The following PHYHIPL variants were observed in gnomAD, a reference collection of about 807,000 sequenced individuals.
The protein encoded by PHYHIPL is phytanoyl-CoA hydroxylase-interacting protein-like.
PHYHIPL carries 9 observed loss-of-function variants against 33.4 expected under a neutral mutation model. The observed-to-expected ratio is 0.27, with a 90% confidence interval of 0.16 to 0.47. The LOEUF (loss-of-function observed/expected upper bound fraction) is 0.47. PHYHIPL is among the 20% of genes least tolerant of loss of function. PHYHIPL has a pLI of 0.99. For missense variants in PHYHIPL, 365 were observed against 460.7 expected, an observed-to-expected ratio of 0.79 and a Z score of 1.90; for synonymous variants, 153 against 154.1, an observed-to-expected ratio of 0.99 and a Z score of 0.05.
chr10:59,225,334 G>GATCTGTGC (rs1447745732), intron 1 of PHYHIPL, among the ~76,000 whole-genome samples: 2 of 151,398 alleles, frequency 1.3e-5, no homozygotes, highest in Non-Finnish European at 2.9e-5. Context: ...GCTCTTGGAA[G>GATCTGTGC]ATCTGTGCTG....
intron 1 of PHYHIPL, among the ~76,000 whole-genome samples, chr10:59,208,697 G>A (rs1426869787): frequency 3.3e-5 from 5 of 151,990 alleles, no homozygotes; most frequent in Admixed American, 3.3e-4. Context: ...TAGAGGAATT[G>A]CTAACTAGAA....
At chr10:59,226,372 G>T (rs1839923195) in intron 1 of PHYHIPL, among the ~76,000 whole-genome samples, 5 of 152,118 alleles carry the variant, frequency 3.3e-5, no homozygotes, top group Admixed American at 3.3e-4. Flanking sequence ...GAACCAAACT[G>T]AATAATCAAG....
At chr10:59,224,089 A>G (rs1839853794) in intron 1 of PHYHIPL, among the ~76,000 whole-genome samples, 1 of 152,174 alleles carries the variant, frequency 6.6e-6, no homozygotes, top group Non-Finnish European at 1.5e-5. Context: ...TTCCGTTACT[A>G]TATATCATGC....
intron 3 of PHYHIPL, among the ~76,000 whole-genome samples, chr10:59,237,786 A>G (rs1589297279): frequency 2.0e-5 from 3 of 152,052 alleles, no homozygotes. Flanking sequence ...GCTAATACTT[A>G]CCATAATAAA....
intron 1 of PHYHIPL, among the ~76,000 whole-genome samples, chr10:59,223,433 C>T (rs1035214900): frequency 1.3e-5 from 2 of 152,058 alleles, no homozygotes; most frequent in Non-Finnish European, 2.9e-5. Context: ...TTCCATTATA[C>T]CTCAGTCCCA....
At chr10:59,228,963 T>A (rs1840002574) in intron 1 of PHYHIPL, among the ~76,000 whole-genome samples, 1 of 152,152 alleles carries the variant, frequency 6.6e-6, no homozygotes, top group Admixed American at 6.5e-5. Context: ...CTGGTGGGAC[T>A]AAGGAGCAAT....
At chr10:59,224,849 A>G (rs1839884737) in intron 1 of PHYHIPL, among the ~76,000 whole-genome samples, 4 of 152,236 alleles carry the variant, frequency 2.6e-5, no homozygotes, top group African/African-American at 9.6e-5. Context: ...AGATTGAGAA[A>G]TATTGACTAG....
chr10:59,197,934 GT>G (rs1483971689), intron 1 of PHYHIPL, among the ~76,000 whole-genome samples: 9 of 152,280 alleles, frequency 5.9e-5, no homozygotes, highest in African/African-American at 1.9e-4. Flanking sequence ...ACTCAGGGTT[GT>G]GCTTGAGGCT....
At chr10:59,173,921 G>GTTTTCTTTTTTTTTT (rs1838206610), upstream of PHYHIPL, among the ~76,000 whole-genome samples, 1 of 57,528 alleles carries the variant, frequency 1.7e-5, no homozygotes, top group African/African-American at 5.7e-5. Context: ...TACTTCTGAG[G>GTTTTCTTTTTTTTTT]TTTTTTTTTT....
intron 1 of PHYHIPL, among the ~76,000 whole-genome samples, chr10:59,217,539 G>C (rs557308489): frequency 6.6e-6 from 1 of 151,550 alleles, no homozygotes; most frequent in African/African-American, 2.4e-5. Context: ...TGTTTTAGCT[G>C]CTTCTCTGTA....
chr10:59,212,199 T>C (rs1320617682), intron 1 of PHYHIPL, among the ~76,000 whole-genome samples: 1 of 152,212 alleles, frequency 6.6e-6, no homozygotes, highest in African/African-American at 2.4e-5. Context: ...CATGAGATGC[T>C]GTCCTCAACC....
At chr10:59,242,819 T>A (rs1840450401) in intron 4 of PHYHIPL, among the ~76,000 whole-genome samples, 1 of 151,982 alleles carries the variant, frequency 6.6e-6, no homozygotes, top group Non-Finnish European at 1.5e-5. Flanking sequence ...GAGAAAAAAA[T>A]CAGTAAACTT....
At position 59,201,177 on chromosome 10, in the gene PHYHIPL, T is replaced by C. The variant is rs1215895196; in HGVS notation, c.106+24218T>C. 3.9e-5 allele frequency among the ~76,000 whole-genome samples: 6 copies of C among 152,250 alleles called. No individual in the cohort carries two copies. The South Asian group carries it at 1.0e-3, about 26-fold the overall frequency. On this transcript the variant is annotated intron_variant, in intron 1 of 4. Coordinates refer to ENST00000373880, the MANE Select transcript of PHYHIPL (RefSeq NM_032439.4). ...GATGTCAATTTTAGATCTTTCCTGCTTTCTCTTGTGGGCATTTAGTGCTAT... is the reference window on the plus strand; with the variant it reads ...GATGTCAATTTTAGATCTTTCCTGCCTTCTCTTGTGGGCATTTAGTGCTAT...
At chr10:59,201,372 G>A (rs1365932627) in intron 1 of PHYHIPL, among the ~76,000 whole-genome samples, 1 of 152,202 alleles carries the variant, frequency 6.6e-6, no homozygotes, top group East Asian at 1.9e-4. Flanking sequence ...GTGGTTTTGA[G>A]TGAGTTTCTT....
chr10:59,186,941 T>G (rs1838624584), intron 1 of PHYHIPL, among the ~76,000 whole-genome samples: 1 of 152,204 alleles, frequency 6.6e-6, no homozygotes, highest in Non-Finnish European at 1.5e-5. Context: ...TTTTCCTAAT[T>G]GAATGCAGTT....
chr10:59,176,389 C>T (rs1294547776), upstream of PHYHIPL, among the ~76,000 whole-genome samples: 1 of 152,090 alleles, frequency 6.6e-6, no homozygotes, highest in Non-Finnish European at 1.5e-5. Flanking sequence ...CGGCGTATAG[C>T]GCTCGCCCTT....
intron 1 of PHYHIPL, among the ~76,000 whole-genome samples, chr10:59,213,626 C>A (rs1352717454): frequency 6.6e-6 from 1 of 152,070 alleles, no homozygotes; most frequent in Non-Finnish European, 1.5e-5. Context: ...AACATGAGCT[C>A]CAGCCACAGA....
chr10:59,194,078 ATG>A (rs935657373), intron 1 of PHYHIPL, among the ~76,000 whole-genome samples: 16 of 126,564 alleles, frequency 1.3e-4, no homozygotes, highest in African/African-American at 4.6e-4. Context: ...CTTTACCTAT[ATG>A]TTTTTTTTTT....
intron 1 of PHYHIPL, among the ~76,000 whole-genome samples, chr10:59,210,311 A>G (rs1028175701): frequency 2.6e-5 from 4 of 152,278 alleles, no homozygotes; most frequent in Non-Finnish European, 5.9e-5. Context: ...TGCAGCCAAC[A>G]AACAGATGAA....
Sources: allele counts gnomAD v4.1 joint callset (sites outside exome capture counted in the v4.1 genomes callset), GRCh38; gene constraint gnomAD v4.1.1; transcripts MANE v1.5; gene names NCBI Gene and HGNC (gene_info 2026-07-23, HGNC 2026-07-21).